Variants in CBFA2T2 observed in about 807,000 individuals in gnomAD.
CBFA2T2 encodes the protein protein CBFA2T2.
A neutral mutation model predicts 62.2 loss-of-function variants in CBFA2T2; 11 were observed. The ratio of observed to expected loss-of-function variants is 0.18; its 90% CI spans 0.11 to 0.29. The LOEUF (loss-of-function observed/expected upper bound fraction) is 0.29. Ranked by LOEUF, CBFA2T2 falls within the 10% of genes least tolerant of loss-of-function variation. The probability of loss-of-function intolerance (pLI) is 1.00; values close to 1 mark genes in which losing one functional copy is unlikely to be tolerated. For synonymous variants in CBFA2T2, 295 were observed against 287.5 expected, an observed-to-expected ratio of 1.03 and a Z score of -0.27; for missense variants, 592 against 774.1, an observed-to-expected ratio of 0.76 and a Z score of 2.79.
At chr20:33,557,927 C>G (rs2012956341) in intron 1 of CBFA2T2, among the ~76,000 whole-genome samples, 1 of 151,974 alleles carries the variant, frequency 6.6e-6, no homozygotes, top group South Asian at 2.1e-4. Flanking sequence ...CCTCCGCCTA[C>G]TGGGTTCAAG....
intron 1 of CBFA2T2, among the ~76,000 whole-genome samples, chr20:33,548,502 C>T (rs1949788801): frequency 6.6e-6 from 1 of 152,034 alleles, no homozygotes; most frequent in African/African-American, 2.4e-5. Context: ...CCTCCGCCTC[C>T]CAAAGTGCTG....
rs1021686718 is a variant in CBFA2T2 at position 33,649,277 on chromosome 20, A to T, written c.*4631A>T. On this transcript the variant is annotated 3_prime_UTR_variant, in exon 11 of 11. Transcript: ENST00000342704. ...GCACGGGCCAGATGGCCAGCTGTCG[A>T]GAGCAGCCCTGCCCAGATTGCGGTG... The T allele has an allele frequency of 6.6e-6, 1 of 152,564 alleles. No individual in the cohort carries two copies. Among genetic ancestry groups the T allele is most frequent in the Non-Finnish European group, 1.5e-5 (1 of 68,076 alleles). The allele number at this position is 152,564 out of a possible 1,614,324, so 9.5% of individuals were successfully genotyped here.
At chr20:33,576,829 T>C (rs1184553164) in intron 1 of CBFA2T2, among the ~76,000 whole-genome samples, 1 of 152,254 alleles carries the variant, frequency 6.6e-6, no homozygotes, top group Non-Finnish European at 1.5e-5. Context: ...TTTGGAAGAA[T>C]ATGAGTTAAA....
intron 1 of CBFA2T2, among the ~76,000 whole-genome samples, chr20:33,517,473 A>T (rs1177638937): frequency 1.4e-5 from 2 of 144,074 alleles, no homozygotes; most frequent in Non-Finnish European, 1.5e-5. Flanking sequence ...TTTTTGAGAC[A>T]GAGTCTCGCT....
intron 1 of CBFA2T2, among the ~76,000 whole-genome samples, chr20:33,594,507 A>C (rs1016649213): frequency 1.3e-5 from 2 of 152,136 alleles, no homozygotes; most frequent in African/African-American, 4.8e-5. Flanking sequence ...GGTGTGAGCC[A>C]CCGAGCCCGG....
chr20:33,629,645 C>CAG (rs2016377621), intron 7 of CBFA2T2, 74 bp from the exon 8 acceptor site: 2 of 1,323,320 alleles, frequency 1.5e-6, no homozygotes, highest in Admixed American at 2.2e-5. Context: ...CCTCATATTG[C>CAG]GTTGGCCTGA....
At chr20:33,543,017 T>C (rs915663036) in intron 1 of CBFA2T2, among the ~76,000 whole-genome samples, 3 of 151,122 alleles carry the variant, frequency 2.0e-5, no homozygotes, top group Non-Finnish European at 4.4e-5. Flanking sequence ...CAAATTTTTA[T>C]TATTATTATT....
intron 1 of CBFA2T2, among the ~76,000 whole-genome samples, chr20:33,492,731 G>C (rs183755747): frequency 1.3e-5 from 2 of 152,040 alleles, no homozygotes; most frequent in East Asian, 3.9e-4. Context: ...TGCTAGTCCG[G>C]AAGTCCTGGG....
At chr20:33,533,409 CTCCTT>C (rs2012115061) in intron 1 of CBFA2T2, among the ~76,000 whole-genome samples, 1 of 152,180 alleles carries the variant, frequency 6.6e-6, no homozygotes, top group Non-Finnish European at 1.5e-5. Flanking sequence ...ACAATATGCA[CTCCTT>C]TCCTTCCATC....
At chr20:33,491,724 C>G (rs931607486) in intron 1 of CBFA2T2, among the ~76,000 whole-genome samples, 7 of 150,064 alleles carry the variant, frequency 4.7e-5, no homozygotes, top group Non-Finnish European at 7.4e-5. Flanking sequence ...TTTTTTGAGA[C>G]GGAATCTTGC....
chr20:33,638,784 A>G (rs562381791), intron 9 of CBFA2T2: 3 of 152,332 alleles, frequency 2.0e-5, no homozygotes, highest in Admixed American at 1.3e-4. Context: ...CTGAGGCTCA[A>G]ACATATGGAA....
At chr20:33,542,871 C>A (rs2012443220) in intron 1 of CBFA2T2, among the ~76,000 whole-genome samples, 1 of 152,046 alleles carries the variant, frequency 6.6e-6, no homozygotes, top group South Asian at 2.1e-4. Context: ...CAGGGTCTCC[C>A]CGTGTTGTTC....
intron 8 of CBFA2T2, among the ~76,000 whole-genome samples, chr20:33,633,056 G>C (rs1314690456): frequency 6.6e-6 from 1 of 152,044 alleles, no homozygotes; most frequent in African/African-American, 2.4e-5. Context: ...ACCATGCCTG[G>C]CCAAGTAATT....
chr20:33,623,349 C>T, intron 5 of CBFA2T2, 53 bp downstream of exon 5: 2 of 1,584,062 alleles, frequency 1.3e-6, no homozygotes, highest in South Asian at 1.1e-5. Flanking sequence ...ACTGGTCCTC[C>T]CCTTTGCTTA....
At chr20:33,556,727 A>G (rs1466388168) in intron 1 of CBFA2T2, among the ~76,000 whole-genome samples, 2 of 151,980 alleles carry the variant, frequency 1.3e-5, no homozygotes, top group East Asian at 3.9e-4. Flanking sequence ...GAGCAGCTGC[A>G]CCCTACTAGT....
chr20:33,562,763 T>C (rs1322821577), intron 1 of CBFA2T2: 1 of 736,464 alleles, frequency 1.4e-6, no homozygotes, highest in Non-Finnish European at 1.7e-6. Flanking sequence ...TACGATGATA[T>C]GAATGTTTCT....
intron 1 of CBFA2T2, among the ~76,000 whole-genome samples, chr20:33,559,192 T>TTTTTTTTTTTTTTTTTG: frequency 6.8e-6 from 1 of 146,426 alleles, no homozygotes; most frequent in Non-Finnish European, 1.5e-5. Flanking sequence ...TTTTTTTTTT[T>TTTTTTTTTTTTTTTTTG]TCTGAGATGG....
intron 9 of CBFA2T2, chr20:33,638,815 A>G (rs1332907121): frequency 6.6e-6 from 1 of 152,208 alleles, no homozygotes; most frequent in Non-Finnish European, 1.5e-5. Context: ...TGCAGCGTCT[A>G]CATTAGGGAA....
rs1461537598 is a variant in CBFA2T2 at position 33,647,899 on chromosome 20, G to A, written c.*3253G>A. The A allele has an allele frequency of 6.6e-6, 1 of 152,240 alleles. No individual in the cohort carries two copies. The highest frequency in any genetic ancestry group is 2.4e-5 in the African/African-American group (1 of 41,452). 9.4% of individuals were successfully genotyped at this position (152,240 alleles called of 1,614,324 possible). ...GCAAACCTTCTGCTGTGTTAATTCT[G>A]GTCAGTTTCACACAGAAGTCACGAG... is the stretch of plus-strand genomic sequence containing the variant. On this transcript the variant is annotated 3_prime_UTR_variant, in exon 11 of 11. Transcript: ENST00000342704.
Sources: gnomAD v4.1 joint callset for allele counts (sites outside exome capture counted in the v4.1 genomes callset) on GRCh38, gnomAD v4.1.1 for gene constraint, MANE v1.5 for transcripts, NCBI Gene and HGNC (gene_info 2026-07-23, HGNC 2026-07-21) for gene names.